The following ARHGEF37 variants were observed in gnomAD, a reference collection of about 807,000 sequenced individuals.
ARHGEF37 encodes the protein Rho guanine nucleotide exchange factor (GEF) 37.
In ARHGEF37, 55 loss-of-function variants were observed where a neutral mutation model predicts 71.1. The observed-to-expected ratio is 0.77, with a 90% confidence interval of 0.62 to 0.97. The LOEUF (loss-of-function observed/expected upper bound fraction) is 0.97, where lower values mean the gene tolerates loss of function less well. Among genes scored for constraint, ARHGEF37 ranks in the 50% least tolerant of loss-of-function variants. The pLI is 0.00. For missense variants in ARHGEF37, 765 were observed against 836.8 expected, an observed-to-expected ratio of 0.91 and a Z score of 1.06; for synonymous variants, 327 against 350.6, an observed-to-expected ratio of 0.93 and a Z score of 0.75.
At chr5:149,572,237 G>C (rs375798529) in intron 1 of ARHGEF37, among the ~76,000 whole-genome samples, 6 of 152,138 alleles carry the variant, frequency 3.9e-5, no homozygotes, top group African/African-American at 1.4e-4. Context: ...TGGAAAAACT[G>C]ATAATCTATA....
chr5:149,619,658 T>A (rs1752477972), intron 7 of ARHGEF37, among the ~76,000 whole-genome samples: 1 of 152,346 alleles, frequency 6.6e-6, no homozygotes, highest in South Asian at 2.1e-4. Flanking sequence ...TGCGTCAATG[T>A]GAGCAACTAA....
intron 12 of ARHGEF37, among the ~76,000 whole-genome samples, 185 bp from the exon 13 acceptor site, chr5:149,631,797 A>G (rs1344782166): frequency 2.0e-5 from 3 of 152,228 alleles, no homozygotes; most frequent in African/African-American, 7.2e-5. Flanking sequence ...GTCACATAGT[A>G]TGGGCTGTGG....
At chr5:149,566,515 C>T (rs573893526) in intron 1 of ARHGEF37, among the ~76,000 whole-genome samples, 29 of 144,246 alleles carry the variant, frequency 2.0e-4, no homozygotes, top group Admixed American at 5.5e-4. Flanking sequence ...ATCCTCCCCC[C>T]CAAAAAAACC....
At chr5:149,555,130 CAAA>C (rs914879036) in intron 1 of ARHGEF37, among the ~76,000 whole-genome samples, 6 of 55,962 alleles carry the variant, frequency 1.1e-4, no homozygotes, top group Admixed American at 2.0e-4. Flanking sequence ...GACTCTGTCT[CAAA>C]AAAAAAAAAA....
intron 1 of ARHGEF37, among the ~76,000 whole-genome samples, chr5:149,564,262 A>C (rs952949552): frequency 2.6e-5 from 4 of 152,102 alleles, no homozygotes; most frequent in Admixed American, 2.0e-4. Context: ...TATTAGTCTT[A>C]CGTATGTTAT....
At chr5:149,627,004 G>A in intron 10 of ARHGEF37, 72 bp from the exon 11 acceptor site, 1 of 1,488,796 alleles carries the variant, frequency 6.7e-7, no homozygotes, top group Non-Finnish European at 9.1e-7. Flanking sequence ...GTCAAAATGT[G>A]AGCAAATGTT....
intron 4 of ARHGEF37, among the ~76,000 whole-genome samples, chr5:149,612,177 C>CT (rs11390358): frequency 0.34 from 52,267 of 151,766 alleles, 10,858 homozygotes; most frequent in Non-Finnish European, 0.47. Context: ...CTGACTTTCT[C>CT]TTTTTTTTGA....
intron 4 of ARHGEF37, among the ~76,000 whole-genome samples, chr5:149,614,582 A>G (rs1435740158): frequency 2.6e-5 from 4 of 152,190 alleles, no homozygotes; most frequent in South Asian, 2.1e-4. Flanking sequence ...AGTTGTCCCC[A>G]GGAGACACTT....
At position 149,632,540 on chromosome 5, in the gene ARHGEF37, G is replaced by C. The variant is rs138818164; in HGVS notation, c.*349G>C. On this transcript the variant is annotated 3_prime_UTR_variant, in exon 13 of 13. Transcript: ENST00000333677. ...CCTGCATCCGGGCCTGCCTGTGGGCGTGGGTCACACGGGATAATGTTACCT... is the reference window on the plus strand; with the variant it reads ...CCTGCATCCGGGCCTGCCTGTGGGCCTGGGTCACACGGGATAATGTTACCT... 1 of 280,624 alleles carries C rather than the reference G, an allele frequency of 3.6e-6. No individual in the cohort carries two copies. Among genetic ancestry groups the C allele is most frequent in the Non-Finnish European group, 6.9e-6 (1 of 144,332 alleles). The allele number at this position is 280,624 out of a possible 1,614,324, so 17.4% of individuals were successfully genotyped here.
chr5:149,580,363 C>T (rs1216865610), upstream of ARHGEF37, among the ~76,000 whole-genome samples: 3 of 152,102 alleles, frequency 2.0e-5, no homozygotes, highest in African/African-American at 4.8e-5. Context: ...GCCCGGCACC[C>T]TTGGTTTTTC....
rs763448641 is a variant in ARHGEF37, at chr5:149,632,226, G to C, written c.*35G>C. 4 of 1,605,814 alleles carry C rather than the reference G, an allele frequency of 2.5e-6. No individual in the cohort carries two copies. In the South Asian group the frequency reaches 4.4e-5, roughly 18 times the overall value. On this transcript the variant is annotated 3_prime_UTR_variant, in exon 13 of 13. Transcript: ENST00000333677. ...TTTGGAGCCTACATTGCCAAATGAT[G>C]GGGGAGGCTTAGAGGCTCTGACCCT...
intron 1 of ARHGEF37, among the ~76,000 whole-genome samples, chr5:149,562,671 C>T (rs899086320): frequency 1.3e-5 from 2 of 152,184 alleles, no homozygotes; most frequent in Non-Finnish European, 2.9e-5. Context: ...TGGTCTTGAT[C>T]TCCTGACCTC....
chr5:149,618,099 C>T, intron 5 of ARHGEF37, 77 bp from the exon 6 acceptor site: 2 of 1,583,986 alleles, frequency 1.3e-6, no homozygotes, highest in South Asian at 1.2e-5. Flanking sequence ...AGCAGGTGCC[C>T]AGCCGGGCAT....
chr5:149,618,067 C>T, intron 5 of ARHGEF37, 109 bp from the exon 6 acceptor site: 1 of 1,464,628 alleles, frequency 6.8e-7, no homozygotes, highest in Non-Finnish European at 9.4e-7. Flanking sequence ...ATGAATGTGA[C>T]CCTGATGGAG....
chr5:149,620,433 G>T lies in ARHGEF37; in HGVS notation c.974G>T (p.Arg325Ile), dbSNP rs1262227581. 1 of 1,612,422 alleles carries T rather than the reference G, an allele frequency of 6.2e-7. No homozygotes were observed. The highest frequency in any genetic ancestry group is 1.7e-5 in the Admixed American group (1 of 59,742). The change falls in exon 8 of 13, where the codon AGA becomes ATA. Residue 325 changes from arginine (R) to isoleucine (I), a missense_variant. Arg to Ile is a moderately conservative substitution (Grantham distance 97, BLOSUM62 -3). Transcript: ENST00000333677. ...GCAGTGCAGTATTGCAATTTGGCAAGAGACCTTCACCTTGAGGCCTTCCTG... is the reference window on the plus strand; with the variant it reads ...GCAGTGCAGTATTGCAATTTGGCAATAGACCTTCACCTTGAGGCCTTCCTG... ...GPAVQYCNLARDLHLEAFLKF... is the reference protein window; with the variant it reads ...GPAVQYCNLAIDLHLEAFLKF...
At chr5:149,580,670 A>C (rs1763088969), upstream of ARHGEF37, among the ~76,000 whole-genome samples, 1 of 152,132 alleles carries the variant, frequency 6.6e-6, no homozygotes, top group South Asian at 2.1e-4. Context: ...TACAAGTAAA[A>C]CATTTAGTAT....
In ARHGEF37 at chr5:149,609,681, C is replaced by T. The variant is rs1211972357; in HGVS notation, c.444C>T (p.Ile148=). The part of the protein sequence containing the change: ...EPELQRHIQG[I]VEAVVPQAGS... The stretch of plus-strand genomic sequence containing the variant: ...AGCTGCAGCGGCACATCCAGGGCAT[C>T]GTTGAGGCGGTGGTGTGAGTAGAAC... The change falls in exon 4 of 13, where the codon ATC becomes ATT. Residue 148 remains isoleucine (I), a synonymous_variant. Transcript: ENST00000333677. 14 of 1,612,238 alleles carry T rather than the reference C, an allele frequency of 8.7e-6. No homozygotes were observed. The highest frequency in any genetic ancestry group is 6.7e-5 in the East Asian group (3 of 44,896).
In ARHGEF37 at chr5:149,598,737, C is replaced by CATATATATAT. The variant is rs201234693; in HGVS notation, c.186+785_186+794dup. 4.0e-4 allele frequency among the ~76,000 whole-genome samples: 42 copies of CATATATATAT among 104,650 alleles called. 1 individual carries two copies. Among genetic ancestry groups the CATATATATAT allele is most frequent in the African/African-American group, 1.4e-3 (41 of 28,554 alleles). The allele number at this position is 104,650 out of a possible 152,430, so 68.7% of individuals were successfully genotyped here. A position where few individuals can be genotyped will look rare whatever the true frequency, so the allele number is the denominator to read the frequency against. On this transcript the variant is annotated intron_variant, in intron 2 of 12. Transcript: ENST00000333677. The stretch of plus-strand genomic sequence containing the variant: ...ACAGAATTCCAGAAAAAATAAATCT[C>CATATATATAT]ATATATATATATCTATATATAGATA...
intron 1 of ARHGEF37, among the ~76,000 whole-genome samples, chr5:149,588,442 G>A (rs1291187443): frequency 3.9e-5 from 6 of 152,074 alleles, no homozygotes; most frequent in South Asian, 2.1e-4. Context: ...GATTACAGGC[G>A]TGTGCTACCA....
Sources: allele counts gnomAD v4.1 joint callset (sites outside exome capture counted in the v4.1 genomes callset), GRCh38; gene constraint gnomAD v4.1.1; transcripts MANE v1.5; gene names NCBI Gene and HGNC (gene_info 2026-07-23, HGNC 2026-07-21).